EPHA5: variants seen among roughly 807,000 people sequenced by gnomAD.
The protein encoded by EPHA5 is ephrin type-A receptor 5.
In EPHA5, 60 loss-of-function variants were observed where a neutral mutation model predicts 105.0. The observed-to-expected ratio is 0.57, with a 90% CI of 0.46 to 0.71. The LOEUF is 0.71. Ranked by LOEUF, EPHA5 falls within the 30% of genes least tolerant of loss-of-function variation. EPHA5 has a pLI of 0.00. For synonymous variants in EPHA5, 513 were observed against 449.1 expected (o/e 1.14, Z -1.80); for missense variants, 1,218 against 1,274.7 (o/e 0.96, Z 0.68).
chr4:65,499,949 T>G (rs2149238177), intron 3 of EPHA5, among the ~76,000 whole-genome samples: 1 of 151,376 alleles, frequency 6.6e-6, no homozygotes, highest in East Asian at 1.9e-4. Context: ...TGTCAAGAAC[T>G]GTGACAAAAC....
chr4:65,483,303 T>A (rs1730567000), intron 5 of EPHA5, among the ~76,000 whole-genome samples: 1 of 152,222 alleles, frequency 6.6e-6, no homozygotes, highest in Non-Finnish European at 1.5e-5. Context: ...CTATTGTGAA[T>A]AGTGCCACAA....
intron 2 of EPHA5, 54 bp downstream of exon 2, chr4:65,643,309 T>TCAA: frequency 1.5e-6 from 2 of 1,356,824 alleles, no homozygotes; most frequent in Non-Finnish European, 1.1e-6. Context: ...GTTACAAGTA[T>TCAA]CAAGATGCTT....
chr4:65,650,559 C>CAAAAAAAAAAAAAAAAAAAAAAAAAAAA (rs59357895), intron 1 of EPHA5, among the ~76,000 whole-genome samples: 6 of 117,004 alleles, frequency 5.1e-5, no homozygotes, highest in African/African-American at 1.1e-4. Flanking sequence ...GACTCAGTCT[C>CAAAAAAAAAAAAAAAAAAAAAAAAAAAA]AAAAAAAAAA....
At chr4:65,326,138 T>A (rs1720059819) in intron 16 of EPHA5, among the ~76,000 whole-genome samples, 2 of 150,608 alleles carry the variant, frequency 1.3e-5, no homozygotes, top group East Asian at 2.0e-4. Flanking sequence ...TGGTGACATT[T>A]AATAGACATA....
rs112763602 is a variant in EPHA5, at chr4:65,435,312, T to A, written c.1403-14747A>T. Reference sequence around the variant, plus strand: ...CACAGAGTGGAAGCATTTTCATTGATGAGTCCATACATATGGGCTAAGAAT... The same window carrying A: ...CACAGAGTGGAAGCATTTTCATTGAAGAGTCCATACATATGGGCTAAGAAT... On this transcript the variant is annotated intron_variant, in intron 5 of 16. Coordinates refer to ENST00000613740, the MANE Select transcript of EPHA5 (RefSeq NM_001281766.3). 1.3e-3 allele frequency among the ~76,000 whole-genome samples: 199 copies of A among 152,246 alleles called. 1 individual carries two copies. Among genetic ancestry groups the A allele is most frequent in the African/African-American group, 4.5e-3 (187 of 41,566 alleles).
chr4:65,488,354 C>G (rs1027512741), intron 5 of EPHA5, among the ~76,000 whole-genome samples: 6 of 152,098 alleles, frequency 3.9e-5, no homozygotes, highest in Admixed American at 1.3e-4. Flanking sequence ...GAACACAACT[C>G]GGTGATTGTT....
chr4:65,633,225 C>T (rs1205185148), intron 2 of EPHA5, among the ~76,000 whole-genome samples: 4 of 151,710 alleles, frequency 2.6e-5, no homozygotes, highest in East Asian at 1.9e-4. Flanking sequence ...AACAGGAATG[C>T]GGGATGATTA....
At chr4:65,367,485 C>T (rs1179357827) in intron 8 of EPHA5, 61 bp from the exon 9 acceptor site, 3 of 1,486,634 alleles carry the variant, frequency 2.0e-6, no homozygotes, top group Admixed American at 1.7e-5. Flanking sequence ...CACATCAAGC[C>T]CAGAAGCATG....
rs559855883 is a variant in EPHA5, at chr4:65,323,555, T to C, written c.*559A>G. On this transcript the variant is annotated 3_prime_UTR_variant, in exon 17 of 17. Coordinates refer to ENST00000613740, the MANE Select transcript of EPHA5 (RefSeq NM_001281766.3). ...CTTTTTCTTGATCAAGCAACATGTTTACACACTAGTTTCTATAACTTAACG... is the reference window on the plus strand; with the variant it reads ...CTTTTTCTTGATCAAGCAACATGTTCACACACTAGTTTCTATAACTTAACG... The C allele has an allele frequency of 8.3e-5, 19 of 230,176 alleles. No individual in the cohort carries two copies. The highest frequency in any genetic ancestry group is 3.3e-4 in the African/African-American group (15 of 45,266). The allele number at this position is 230,176 out of a possible 1,614,324, so 14.3% of individuals were successfully genotyped here. A position where few individuals can be genotyped will look rare whatever the true frequency, so the allele number is the denominator to read the frequency against.
chr4:65,470,977 C>G (rs1729229172), intron 5 of EPHA5, among the ~76,000 whole-genome samples: 1 of 152,150 alleles, frequency 6.6e-6, no homozygotes, highest in Non-Finnish European at 1.5e-5. Context: ...TGTATTCAAA[C>G]TGTGTTCAAA....
chr4:65,387,938 G>A (rs1720275626), intron 8 of EPHA5, among the ~76,000 whole-genome samples: 2 of 130,346 alleles, frequency 1.5e-5, no homozygotes, highest in African/African-American at 5.9e-5. Context: ...TTTAGCATTA[G>A]GTATATCTCC....
chr4:65,481,899 G>A (rs1337231893), intron 5 of EPHA5, among the ~76,000 whole-genome samples: 2 of 152,120 alleles, frequency 1.3e-5, no homozygotes, highest in Non-Finnish European at 2.9e-5. Context: ...CTGAAAAACA[G>A]GCTAAGTTAA....
At chr4:65,516,853 C>T (rs2149270564) in intron 3 of EPHA5, among the ~76,000 whole-genome samples, 1 of 152,118 alleles carries the variant, frequency 6.6e-6, no homozygotes, top group East Asian at 1.9e-4. Context: ...TCAGAAGTTA[C>T]ACAGTATGAC....
chr4:65,324,256 A>G (rs1397753637), intron 16 of EPHA5, 37 bp from the exon 17 acceptor site: 1 of 1,417,318 alleles, frequency 7.1e-7, no homozygotes, highest in Non-Finnish European at 9.9e-7. Context: ...GTATTGATTC[A>G]ATTTGTAGCA....
chr4:65,602,192 T>C lies in EPHA5; in HGVS notation c.359A>G (p.Asn120Ser), dbSNP rs1472815382. 9 of 1,614,024 alleles carry C rather than the reference T, an allele frequency of 5.6e-6. No homozygotes were observed. The highest frequency in any genetic ancestry group is 3.3e-5 in the Admixed American group (2 of 60,008). The change falls in exon 3 of 17, where the codon AAT (asparagine) becomes AGT (serine). Residue 120 changes from asparagine to serine, a missense_variant. Physicochemically the swap from Asn to Ser is conservative, Grantham distance 46 (BLOSUM62 1). Around this residue, in one of 3 missense-constraint regions of EPHA5, gnomAD observed 233 missense variants for 227.5 expected, o/e 1.02. Coordinates refer to ENST00000613740, the MANE Select transcript of EPHA5 (RefSeq NM_001281766.3). ...NNWLLTSWIS[N>S]EGASRIFIEL... The stretch of plus-strand genomic sequence containing the variant: ...TATGAAGATTCTGGAAGCACCTTCA[T>C]TGGAGATCCAACTGGTCAAAAGCCA...
At chr4:65,527,764 C>T (rs1167225391) in intron 3 of EPHA5, among the ~76,000 whole-genome samples, 1 of 152,034 alleles carries the variant, frequency 6.6e-6, no homozygotes, top group African/African-American at 2.4e-5. Context: ...TCATGGAGGG[C>T]TATCGTACAG....
At chr4:65,339,055 A>T (rs886471792) in intron 14 of EPHA5, among the ~76,000 whole-genome samples, 5 of 152,198 alleles carry the variant, frequency 3.3e-5, no homozygotes, top group African/African-American at 1.2e-4. Context: ...CTATATCTGA[A>T]ATAGTATAAT....
At position 65,367,396 on chromosome 4, in the gene EPHA5, C is replaced by A. The variant is rs561015414; in HGVS notation, c.1822G>T (p.Asp608Tyr). 4 of 1,612,234 alleles carry A rather than the reference C, an allele frequency of 2.5e-6. No individual in the cohort carries two copies. The South Asian group carries it at 4.4e-5, about 18-fold the overall frequency. The change falls in exon 9 of 17, where the codon GAT becomes TAT. Residue 608 changes from aspartate (D) to tyrosine (Y), a missense_variant. Physicochemically the swap from Asp to Tyr is radical, Grantham distance 160. Transcript: ENST00000613740. The stretch of plus-strand genomic sequence containing the variant: ...AAATGCATCTTTTCCTCTTCTGGAT[C>A]TTGTTTTGCTTTGCTGTAGCCACAC... ...RRCGYSKAKQ[D>Y]PEEEKMHFHN...
rs368578311 is a variant in EPHA5, at chr4:65,490,483, G to A, written c.1296C>T (p.Leu432=). 9.9e-6 allele frequency: 16 copies of A among 1,613,996 alleles called. No individual in the cohort carries two copies. Among genetic ancestry groups the A allele is most frequent in the South Asian group, 7.7e-5 (7 of 91,092 alleles). ...KNTSVMMVDL[L]AHTNYTFEIE... ...TCTCAAAGGTATAGTTTGTGTGAGC[G>A]AGTAGATCCACCATCATGACAGAGG... Residue 432 remains leucine, a synonymous_variant, in exon 5 of 17, where the codon CTC becomes CTT. Coordinates refer to ENST00000613740, the MANE Select transcript of EPHA5 (RefSeq NM_001281766.3).
Sources: gnomAD v4.1 joint callset for allele counts (sites outside exome capture counted in the v4.1 genomes callset) on GRCh38, gnomAD v4.1.1 for gene constraint, gnomAD v4.1.1 regional missense constraint, MANE v1.5 for transcripts, NCBI Gene and HGNC (gene_info 2026-07-23, HGNC 2026-07-21) for gene names.